CNTN6: variants seen among roughly 807,000 people sequenced by gnomAD.
CNTN6 encodes the protein contactin-6.
CNTN6 carries 137 observed loss-of-function variants against 122.8 expected under a neutral mutation model. The ratio of observed to expected loss-of-function variants is 1.12; its 90% CI spans 0.97 to 1.29. The LOEUF (loss-of-function observed/expected upper bound fraction) is 1.29, where lower values mean the gene tolerates loss of function less well. CNTN6 is among the 50% of genes most tolerant of loss of function. CNTN6 has a pLI of 0.00. For synonymous variants in CNTN6, 570 were observed against 426.0 expected (o/e 1.34, Z -4.16); for missense variants, 1,634 against 1,223.4 (o/e 1.34, Z -5.01).
intron 2 of CNTN6, among the ~76,000 whole-genome samples, chr3:1,181,867 T>C (rs1472773992): frequency 3.3e-5 from 5 of 152,090 alleles, no homozygotes; most frequent in Non-Finnish European, 5.9e-5. Flanking sequence ...AATAGAATAT[T>C]CAATGTGTAT....
At chr3:1,232,671 C>G (rs151180090) in intron 4 of CNTN6, among the ~76,000 whole-genome samples, 108 of 152,298 alleles carry the variant, frequency 7.1e-4, no homozygotes, top group African/African-American at 2.4e-3. Context: ...AGTCTGTTTT[C>G]AAATCCAGAC....
chr3:1,114,946 T>C (rs1313450531), intron 1 of CNTN6, among the ~76,000 whole-genome samples: 1 of 152,148 alleles, frequency 6.6e-6, no homozygotes, highest in Non-Finnish European at 1.5e-5. Context: ...GTGGTAGAAA[T>C]GCTTAAACCT....
intron 2 of CNTN6, among the ~76,000 whole-genome samples, chr3:1,203,702 T>C (rs1251526901): frequency 6.6e-6 from 1 of 152,246 alleles, no homozygotes; most frequent in Non-Finnish European, 1.5e-5. Flanking sequence ...ATGTCTGTTA[T>C]CATCAAATAA....
intron 1 of CNTN6, among the ~76,000 whole-genome samples, chr3:1,108,366 T>C (rs1028163485): frequency 6.6e-6 from 1 of 152,064 alleles, no homozygotes; most frequent in African/African-American, 2.4e-5. Flanking sequence ...ATATAAGCTT[T>C]ATACATATAA....
intron 5 of CNTN6, among the ~76,000 whole-genome samples, chr3:1,280,812 A>G (rs1272664496): frequency 1.3e-5 from 2 of 152,178 alleles, no homozygotes; most frequent in South Asian, 2.1e-4. Flanking sequence ...GATTCCAAGC[A>G]TATTTGTCGG....
intron 2 of CNTN6, among the ~76,000 whole-genome samples, chr3:1,199,341 A>G: frequency 6.6e-6 from 1 of 151,708 alleles, no homozygotes; most frequent in Admixed American, 6.6e-5. Flanking sequence ...CACCATGCCC[A>G]GCTAATTTTT....
intron 4 of CNTN6, among the ~76,000 whole-genome samples, chr3:1,274,499 G>C (rs970317107): frequency 1.1e-4 from 16 of 152,098 alleles, no homozygotes; most frequent in African/African-American, 3.9e-4. Context: ...AAATACTTTT[G>C]TTATTAAAAG....
At chr3:1,100,258 A>G (rs2090811666) in intron 1 of CNTN6, among the ~76,000 whole-genome samples, 1 of 152,178 alleles carries the variant, frequency 6.6e-6, no homozygotes, top group African/African-American at 2.4e-5. Context: ...CACATTCTAA[A>G]ATAATACTGT....
intron 5 of CNTN6, among the ~76,000 whole-genome samples, chr3:1,284,414 G>T (rs1694003229): frequency 6.6e-6 from 1 of 152,098 alleles, no homozygotes; most frequent in African/African-American, 2.4e-5. Flanking sequence ...AATTGGCAGT[G>T]GATATGTTAC....
At chr3:1,124,850 C>G (rs1392209548) in intron 1 of CNTN6, among the ~76,000 whole-genome samples, 2 of 151,908 alleles carry the variant, frequency 1.3e-5, no homozygotes, top group East Asian at 3.9e-4. Context: ...TTCCCAAACA[C>G]CAGCATTGCC....
chr3:1,164,248 C>T (rs946567270), intron 2 of CNTN6, among the ~76,000 whole-genome samples: 1 of 152,242 alleles, frequency 6.6e-6, no homozygotes, highest in Non-Finnish European at 1.5e-5. Flanking sequence ...TTAGAGGCAA[C>T]AGTTCACAAA....
intron 4 of CNTN6, among the ~76,000 whole-genome samples, chr3:1,258,534 TG>T (rs2094795421): frequency 6.6e-6 from 1 of 152,108 alleles, no homozygotes; most frequent in Non-Finnish European, 1.5e-5. Flanking sequence ...GCTCTGGCAT[TG>T]CATGGTTTGT....
At chr3:1,229,820 GGTGTATGACT>G (rs1044977994) in intron 4 of CNTN6, among the ~76,000 whole-genome samples, 1 of 152,078 alleles carries the variant, frequency 6.6e-6, no homozygotes, top group Non-Finnish European at 1.5e-5. Flanking sequence ...TGGGGCAGAA[GGTGTATGACT>G]GTTGATCTTG....
intron 1 of CNTN6, among the ~76,000 whole-genome samples, chr3:1,105,147 T>G (rs1274127025): frequency 6.6e-6 from 1 of 152,098 alleles, no homozygotes; most frequent in Non-Finnish European, 1.5e-5. Flanking sequence ...GGCAGGTGAG[T>G]GCTCTTTGTG....
intron 2 of CNTN6, among the ~76,000 whole-genome samples, chr3:1,173,002 C>T (rs2093386527): frequency 6.6e-6 from 1 of 152,130 alleles, no homozygotes; most frequent in South Asian, 2.1e-4. Flanking sequence ...AGGTCAAGGT[C>T]TCTGCTCACA....
intron 7 of CNTN6, among the ~76,000 whole-genome samples, chr3:1,309,461 G>T (rs1698894677): frequency 6.6e-6 from 1 of 152,088 alleles, no homozygotes; most frequent in Non-Finnish European, 1.5e-5. Context: ...CTATTACCGG[G>T]ATCTCTTTTG....
At chr3:1,140,742 A>G (rs1234939788) in intron 1 of CNTN6, among the ~76,000 whole-genome samples, 1 of 152,212 alleles carries the variant, frequency 6.6e-6, no homozygotes, top group Non-Finnish European at 1.5e-5. Flanking sequence ...GACTATTTCC[A>G]TAACAAACAT....
At chr3:1,154,635 G>T (rs1270702728) in intron 2 of CNTN6, among the ~76,000 whole-genome samples, 1 of 151,806 alleles carries the variant, frequency 6.6e-6, no homozygotes, top group Non-Finnish European at 1.5e-5. Context: ...TAGAGACGGG[G>T]TTTCTCCATG....
At position 1,170,236 on chromosome 3, in the gene CNTN6, CAAAAAAAAAAAAA is replaced by C. The variant is rs10525769; in HGVS notation, c.55+22188_55+22200del. On this transcript the variant is annotated intron_variant, in intron 2 of 22. Transcript: ENST00000446702. ...TGGATGACAGAGTAAGGCTCCATCT[CAAAAAAAAAAAAA>C]AAAAAAAAAAAAAAGCAATACTTTT... Among the ~76,000 whole-genome samples, 440 of 107,452 alleles carry C rather than the reference CAAAAAAAAAAAAA, an allele frequency of 4.1e-3. 1 individual carries two copies. Among genetic ancestry groups the C allele is most frequent in the African/African-American group, 0.012 (341 of 28,816 alleles). The allele number at this position is 107,452 out of a possible 152,430, so 70.5% of individuals were successfully genotyped here.
Sources: gnomAD v4.1 joint callset for allele counts (sites outside exome capture counted in the v4.1 genomes callset) on GRCh38, gnomAD v4.1.1 for gene constraint, MANE v1.5 for transcripts, NCBI Gene and HGNC (gene_info 2026-07-23, HGNC 2026-07-21) for gene names.